DNER: variants seen among roughly 807,000 people sequenced by gnomAD.
DNER encodes delta and Notch-like epidermal growth factor-related receptor.
In DNER, 33 loss-of-function variants were observed where a neutral mutation model predicts 78.2. The ratio of observed to expected loss-of-function variants is 0.42; its 90% CI spans 0.32 to 0.56. DNER has a LOEUF of 0.56. DNER is among the 20% of genes least tolerant of loss of function. The pLI is 0.11. For missense variants in DNER, 918 were observed against 975.3 expected (o/e 0.94, Z 0.78); for synonymous variants, 417 against 384.8 (o/e 1.08, Z -0.98).
intron 9 of DNER, among the ~76,000 whole-genome samples, chr2:229,409,765 T>TGGACAAAAA (rs1693467939): frequency 6.6e-6 from 1 of 152,258 alleles, no homozygotes; most frequent in East Asian, 1.9e-4. Context: ...AAAGCTAATC[T>TGGACAAAAA]TCACAGAAAC....
intron 11 of DNER, among the ~76,000 whole-genome samples, chr2:229,371,176 A>T (rs1692473559): frequency 6.6e-6 from 1 of 152,206 alleles, no homozygotes; most frequent in Admixed American, 6.5e-5. Context: ...GCTGCTTTAC[A>T]GGCTAATTGG....
chr2:229,459,959 C>T (rs1694657092), intron 7 of DNER, among the ~76,000 whole-genome samples: 1 of 151,660 alleles, frequency 6.6e-6, no homozygotes, highest in Non-Finnish European at 1.5e-5. Context: ...AGATCGAGAC[C>T]ATCCTGTCTA....
At chr2:229,656,985 C>CGTGTGTGTGTGTGTGTGTGTGTGTGTGT (rs1417445603) in intron 1 of DNER, among the ~76,000 whole-genome samples, 7 of 148,726 alleles carry the variant, frequency 4.7e-5, no homozygotes, top group African/African-American at 1.7e-4. Context: ...ACAGTTACCA[C>CGTGTGTGTGTGTGTGTGTGTGTGTGTGT]GTGTGTGTGT....
chr2:229,557,639 A>C (rs1696876144), intron 4 of DNER, among the ~76,000 whole-genome samples: 1 of 152,194 alleles, frequency 6.6e-6, no homozygotes, highest in Non-Finnish European at 1.5e-5. Context: ...AGAAAGAAGA[A>C]AAGACAGAAA....
Position 229,714,286 on chromosome 2 carries a change from C to T in DNER, c.138G>A (p.Gly46=), listed in dbSNP as rs1327843098. The T allele has an allele frequency of 2.2e-6, 3 of 1,346,842 alleles. No individual in the cohort carries two copies. Among genetic ancestry groups the T allele is most frequent in the Admixed American group, 3.3e-5 (1 of 30,348 alleles). The allele number at this position is 1,346,842 out of a possible 1,614,324, so 83.4% of individuals were successfully genotyped here. A position where few individuals can be genotyped will look rare whatever the true frequency, so the allele number is the denominator to read the frequency against. The change falls in exon 1 of 13, where the codon GGG becomes GGA. Residue 46 remains glycine (G), a synonymous_variant. Coordinates refer to ENST00000341772, the MANE Select transcript of DNER (RefSeq NM_139072.4). ...PVPAAPLSAP[G]PCAAQPCRNG... The stretch of plus-strand genomic sequence containing the variant: ...TCCGGCAGGGCTGCGCGGCGCACGG[C>T]CCGGGCGCAGACAGGGGCGCGGCGG...
chr2:229,613,942 C>A (rs6705299), intron 1 of DNER, among the ~76,000 whole-genome samples: 1 of 149,924 alleles, frequency 6.7e-6, no homozygotes, highest in East Asian at 2.0e-4. Flanking sequence ...AACCAAACAC[C>A]GCATGTTCTC....
At chr2:229,560,491 T>G (rs1007039265) in intron 4 of DNER, among the ~76,000 whole-genome samples, 3 of 152,148 alleles carry the variant, frequency 2.0e-5, no homozygotes, top group African/African-American at 7.2e-5. Flanking sequence ...CCAGGGATTT[T>G]GCATTAACTC....
chr2:229,714,094 G>C, intron 1 of DNER, 54 bp downstream of exon 1: 1 of 1,238,376 alleles, frequency 8.1e-7, no homozygotes, highest in Admixed American at 4.2e-5. Flanking sequence ...CCGGCGGGAA[G>C]AGGCTGCTGG....
At chr2:229,655,164 A>C (rs539979513) in intron 1 of DNER, among the ~76,000 whole-genome samples, 39 of 152,264 alleles carry the variant, frequency 2.6e-4, no homozygotes, top group African/African-American at 8.7e-4. Context: ...ACCACCACCA[A>C]CACCCCTCAA....
At chr2:229,426,034 G>T (rs1559348453) in intron 8 of DNER, among the ~76,000 whole-genome samples, 1 of 152,162 alleles carries the variant, frequency 6.6e-6, no homozygotes, top group Non-Finnish European at 1.5e-5. Flanking sequence ...CAACTCAAAG[G>T]ATGTTTTCCC....
intron 6 of DNER, among the ~76,000 whole-genome samples, chr2:229,501,938 G>A (rs1695631419): frequency 6.6e-6 from 1 of 152,216 alleles, no homozygotes; most frequent in Non-Finnish European, 1.5e-5. Flanking sequence ...GTTGCAAAGT[G>A]AATGGACAAT....
chr2:229,603,643 G>T (rs1328317350), intron 1 of DNER, among the ~76,000 whole-genome samples: 3 of 152,170 alleles, frequency 2.0e-5, no homozygotes, highest in African/African-American at 7.2e-5. Context: ...GTGGGGACGA[G>T]GAAGCTGCTG....
At chr2:229,665,134 G>A (rs1314110073) in intron 1 of DNER, among the ~76,000 whole-genome samples, 2 of 152,074 alleles carry the variant, frequency 1.3e-5, no homozygotes, top group Non-Finnish European at 2.9e-5. Context: ...TGAGGAGAAT[G>A]CCCACCTAGA....
chr2:229,501,379 A>T (rs994347157), intron 6 of DNER, among the ~76,000 whole-genome samples: 1 of 152,066 alleles, frequency 6.6e-6, no homozygotes, highest in African/African-American at 2.4e-5. Flanking sequence ...TTTATCACTT[A>T]ACCAACTCAA....
intron 5 of DNER, among the ~76,000 whole-genome samples, chr2:229,516,224 G>T (rs1349157721): frequency 6.6e-6 from 1 of 152,116 alleles, no homozygotes; most frequent in African/African-American, 2.4e-5. Context: ...TATTTTCTAA[G>T]AACAAAGAGC....
intron 8 of DNER, among the ~76,000 whole-genome samples, chr2:229,439,828 G>A (rs1694196251): frequency 6.6e-6 from 1 of 151,000 alleles, no homozygotes; most frequent in Admixed American, 6.6e-5. Context: ...GTTACCAGCT[G>A]CCATTTGCAA....
chr2:229,384,448 T>C (rs533289520), intron 11 of DNER, among the ~76,000 whole-genome samples: 1 of 152,214 alleles, frequency 6.6e-6, no homozygotes, highest in South Asian at 2.1e-4. Flanking sequence ...AGAAAAACCC[T>C]TCAAAAAATC....
chr2:229,460,156 C>CAAAAA (rs5839331), intron 7 of DNER, among the ~76,000 whole-genome samples: 27 of 85,500 alleles, frequency 3.2e-4, no homozygotes, highest in African/African-American at 8.5e-4. Context: ...GACTCCGTCT[C>CAAAAA]AAAAAAAAAA....
intron 1 of DNER, among the ~76,000 whole-genome samples, chr2:229,665,794 T>C (rs919143746): frequency 6.6e-6 from 1 of 152,140 alleles, no homozygotes. Context: ...TCGGAAGTGA[T>C]CTGGGTCTCC....
Sources: allele counts gnomAD v4.1 joint callset (sites outside exome capture counted in the v4.1 genomes callset), GRCh38; gene constraint gnomAD v4.1.1; transcripts MANE v1.5; gene names NCBI Gene and HGNC (gene_info 2026-07-23, HGNC 2026-07-21).